Variants in SYTL2 observed in about 807,000 individuals in gnomAD.
SYTL2 encodes synaptotagmin-like protein 2.
SYTL2 carries 165 observed loss-of-function variants against 198.7 expected under a neutral mutation model. The observed-to-expected ratio is 0.83, with a 90% CI of 0.73 to 0.94. SYTL2 has a LOEUF of 0.94. Ranked by LOEUF, SYTL2 falls within the 40% of genes least tolerant of loss-of-function variation. The pLI is 0.00. For synonymous variants in SYTL2, 966 were observed against 917.7 expected (o/e 1.05, Z -0.95); for missense variants, 2,835 against 2,582.8 (o/e 1.10, Z -2.12).
At chr11:85,772,940 TTA>T (rs2153582092) in intron 1 of SYTL2, among the ~76,000 whole-genome samples, 1 of 152,322 alleles carries the variant, frequency 6.6e-6, no homozygotes, top group African/African-American at 2.4e-5. Flanking sequence ...GCTGGGGTCA[TTA>T]GCCCAAACCA....
the SYTL2 span, among the ~76,000 whole-genome samples, chr11:85,829,853 T>G: frequency 6.6e-6 from 1 of 152,214 alleles, no homozygotes; most frequent in Non-Finnish European, 1.5e-5. Context: ...TATATAAGGG[T>G]TGATGTTTCA....
At position 85,758,625 on chromosome 11, in the gene SYTL2, C is replaced by G. The variant is rs191438434; in HGVS notation, c.-389-511G>C. 9.8e-4 allele frequency among the ~76,000 whole-genome samples: 149 copies of G among 152,336 alleles called. 1 individual carries two copies. Among genetic ancestry groups the G allele is most frequent in the African/African-American group, 3.5e-3 (145 of 41,584 alleles). ...TGTTATTCTTCATCCAGTCTCACTG[C>G]TAACCTTTGCTGGACCTAGAGGAAC... is the stretch of plus-strand genomic sequence containing the variant. On this transcript the variant is annotated intron_variant, in intron 1 of 19. Coordinates refer to ENST00000359152, the MANE Select transcript of SYTL2 (RefSeq NM_206927.4).
At chr11:85,823,903 G>C in the SYTL2 span, among the ~76,000 whole-genome samples, 2 of 152,202 alleles carry the variant, frequency 1.3e-5, no homozygotes, top group Non-Finnish European at 2.9e-5. Flanking sequence ...GCTGTGGTTA[G>C]TCAGGTTGAA....
At chr11:85,825,566 G>A in the SYTL2 span, among the ~76,000 whole-genome samples, 1 of 152,202 alleles carries the variant, frequency 6.6e-6, no homozygotes, top group Non-Finnish European at 1.5e-5. Context: ...GGAAAGAGCT[G>A]GGTCCCTGAT....
Position 85,708,958 on chromosome 11 carries a change from C to G in SYTL2, c.5915+373G>C, listed in dbSNP as rs540481338. On this transcript the variant is annotated intron_variant, in intron 14 of 19. Transcript: ENST00000359152. ...CCTCCTCGCCATTCTCCTGCCTCAG[C>G]CTCCCGAGTAGCTGGGACTACAGGC... Among the ~76,000 whole-genome samples, 141 of 148,652 alleles carry G rather than the reference C, an allele frequency of 9.5e-4. 2 individuals are homozygous for G. The highest frequency in any genetic ancestry group is 3.3e-3 in the African/African-American group (133 of 40,428).
chr11:85,714,300 G>A, intron 12 of SYTL2, 113 bp downstream of exon 12: 2 of 819,890 alleles, frequency 2.4e-6, no homozygotes, highest in Non-Finnish European at 4.0e-6. Context: ...GCAAGGGCCA[G>A]TCCTTCTGAC....
Position 85,724,324 on chromosome 11 carries a change from A to T in SYTL2, c.5034T>A (p.Thr1678=), listed in dbSNP as rs1202900232. The change falls in exon 8 of 20, where the codon ACT becomes ACA. Residue 1678 remains threonine (T), a synonymous_variant. Coordinates refer to ENST00000359152, the MANE Select transcript of SYTL2 (RefSeq NM_206927.4). The part of the protein sequence containing the change: ...YVAHEIGTIK[T]VTPPEDRDSE... ...TGTCCCTGTCCTCTGGGGGGGTTAC[A>T]GTTTTAATGGTCCCTATTTCATGAG... 1 of 1,580,016 alleles carries T rather than the reference A, an allele frequency of 6.3e-7. No individual in the cohort carries two copies. Among genetic ancestry groups the T allele is most frequent in the Non-Finnish European group, 8.6e-7 (1 of 1,166,144 alleles).
In SYTL2 at chr11:85,694,962, C is replaced by T. The variant is rs954487506; in HGVS notation, c.*233G>A. The T allele has an allele frequency of 5.7e-6, 2 of 353,464 alleles. No individual in the cohort carries two copies. Among genetic ancestry groups the T allele is most frequent in the African/African-American group, 2.1e-5 (1 of 47,554 alleles). The allele number at this position is 353,464 out of a possible 1,614,324, so 21.9% of individuals were successfully genotyped here. On this transcript the variant is annotated 3_prime_UTR_variant, in exon 20 of 20. Transcript: ENST00000359152. Reference sequence around the variant, plus strand: ...AGCAGCAGAAATTCAATTTTCCTAGCTTGTTCAAATATCTTATTTAATATT... The same window carrying T: ...AGCAGCAGAAATTCAATTTTCCTAGTTTGTTCAAATATCTTATTTAATATT...
chr11:85,701,159 T>C (rs1222843391), intron 16 of SYTL2, among the ~76,000 whole-genome samples: 1 of 152,250 alleles, frequency 6.6e-6, no homozygotes, highest in Non-Finnish European at 1.5e-5. Flanking sequence ...ATTCCTTATC[T>C]GAAATGCTTG....
At chr11:85,811,573 G>A (rs989885954), upstream of SYTL2, among the ~76,000 whole-genome samples, 2 of 152,136 alleles carry the variant, frequency 1.3e-5, no homozygotes, top group Non-Finnish European at 2.9e-5. Flanking sequence ...GCCCGGTCAT[G>A]GGGTAACTTG....
chr11:85,774,679 G>C (rs1375388340), intron 1 of SYTL2, among the ~76,000 whole-genome samples: 1 of 152,160 alleles, frequency 6.6e-6, no homozygotes, highest in Admixed American at 6.5e-5. Context: ...AGAGCAAGCA[G>C]GAAGTATGAG....
the SYTL2 span, among the ~76,000 whole-genome samples, chr11:85,818,020 A>G: frequency 6.7e-6 from 1 of 149,022 alleles, no homozygotes; most frequent in Non-Finnish European, 1.5e-5. Flanking sequence ...TTCTTGGCTC[A>G]GCCTCCCAAG....
rs752112596 is a variant in SYTL2 at position 85,724,179 on chromosome 11, T to G, written c.5179A>C (p.Asn1727His). The G allele has an allele frequency of 2.5e-6, 4 of 1,604,702 alleles. No individual in the cohort carries two copies. Among genetic ancestry groups the G allele is most frequent in the Admixed American group, 3.5e-5 (2 of 57,098 alleles). ...QPIPLLMNKE[N>H]STKTSKVELT... ...TCAACTTTACTTGTTTTTGTAGAGTTTTCTTTGTTCATCAGGAGAGGAATG... is the reference window on the plus strand; with the variant it reads ...TCAACTTTACTTGTTTTTGTAGAGTGTTCTTTGTTCATCAGGAGAGGAATG... The change falls in exon 8 of 20, where the codon AAC becomes CAC. Residue 1727 changes from asparagine (N) to histidine (H), a missense_variant. This residue lies in a region of SYTL2 where 2,645 missense variants were observed against 2,381.7 expected (regional missense o/e 1.11). Transcript: ENST00000359152.
chr11:85,720,507 G>A (rs932349970), intron 9 of SYTL2, among the ~76,000 whole-genome samples: 5 of 152,112 alleles, frequency 3.3e-5, no homozygotes, highest in Admixed American at 6.6e-5. Flanking sequence ...TGTTAGGCAC[G>A]TTTTGGCAAA....
intron 1 of SYTL2, among the ~76,000 whole-genome samples, chr11:85,784,606 T>G (rs1172930716): frequency 6.6e-6 from 1 of 152,186 alleles, no homozygotes; most frequent in Non-Finnish European, 1.5e-5. Context: ...GGTCCATAAT[T>G]ATATTATTCT....
the SYTL2 span, among the ~76,000 whole-genome samples, chr11:85,847,727 T>C: frequency 2.7e-3 from 412 of 152,356 alleles, 9 homozygotes; most frequent in East Asian, 0.055. Flanking sequence ...ACTAATGATA[T>C]TGAGCATCTT....
Position 85,794,476 on chromosome 11 carries a change from G to C in SYTL2, c.-390+16478C>G, listed in dbSNP as rs77490474. 5.7e-3 allele frequency among the ~76,000 whole-genome samples: 871 copies of C among 152,288 alleles called. 3 individuals carry two copies. The highest frequency in any genetic ancestry group is 8.8e-3 in the Non-Finnish European group (597 of 68,036). On this transcript the variant is annotated intron_variant, in intron 1 of 19. Coordinates refer to ENST00000359152, the MANE Select transcript of SYTL2 (RefSeq NM_206927.4). ...TTACAGTCACGAGCCACCACGCCCA[G>C]CCAGTTTTAAATTTTAAAGGACAAC...
chr11:85,723,340 T>A (rs952171913), intron 8 of SYTL2, among the ~76,000 whole-genome samples: 3 of 152,142 alleles, frequency 2.0e-5, no homozygotes, highest in Admixed American at 6.5e-5. Context: ...CTGGCCAAAG[T>A]CATACTCTAG....
intron 13 of SYTL2, 34 bp downstream of exon 13, chr11:85,711,079 G>C (rs753520021): frequency 1.2e-6 from 2 of 1,610,672 alleles, no homozygotes; most frequent in Admixed American, 1.7e-5. Flanking sequence ...CAGAGACGCG[G>C]AGAGATATTA....
Sources: allele counts gnomAD v4.1 joint callset (sites outside exome capture counted in the v4.1 genomes callset), GRCh38; gene constraint gnomAD v4.1.1; regional missense constraint gnomAD v4.1.1; transcripts MANE v1.5; gene names NCBI Gene and HGNC (gene_info 2026-07-23, HGNC 2026-07-21).